Variants in NKAIN2 observed in about 807,000 individuals in gnomAD.
The protein encoded by NKAIN2 is sodium/potassium transporting ATPase interacting 2, also known as sodium/potassium-transporting ATPase subunit beta-1-interacting protein 2.
NKAIN2 carries 14 observed loss-of-function variants against 32.6 expected under a neutral mutation model. The ratio of observed to expected loss-of-function variants is 0.43; its 90% CI spans 0.28 to 0.67. The LOEUF (loss-of-function observed/expected upper bound fraction) is 0.67, where lower values mean the gene tolerates loss of function less well. NKAIN2 is among the 30% of genes least tolerant of loss of function. The pLI is 0.17. For synonymous variants in NKAIN2, 80 were observed against 87.2 expected, an observed-to-expected ratio of 0.92 and a Z score of 0.46; for missense variants, 198 against 258.3, an observed-to-expected ratio of 0.77 and a Z score of 1.60.
At chr6:124,395,793 G>T (rs1385075718) in intron 3 of NKAIN2, among the ~76,000 whole-genome samples, 2 of 152,004 alleles carry the variant, frequency 1.3e-5, no homozygotes, top group Non-Finnish European at 2.9e-5. Context: ...ATAAATAGTT[G>T]CTGAAATTGC....
chr6:124,669,654 C>T (rs181045376), intron 4 of NKAIN2, among the ~76,000 whole-genome samples: 2 of 152,204 alleles, frequency 1.3e-5, no homozygotes, highest in Non-Finnish European at 2.9e-5. Flanking sequence ...TCAGTAAATA[C>T]ATATTACTAT....
intron 2 of NKAIN2, among the ~76,000 whole-genome samples, chr6:124,352,476 T>G (rs2115133758): frequency 6.6e-6 from 1 of 152,292 alleles, no homozygotes; most frequent in African/African-American, 2.4e-5. Flanking sequence ...GTTATGAAAT[T>G]AAAAAGCTTC....
chr6:124,647,510 A>AAAAAG (rs1399254215), intron 3 of NKAIN2, among the ~76,000 whole-genome samples: 4 of 150,818 alleles, frequency 2.7e-5, no homozygotes, highest in African/African-American at 9.7e-5. Context: ...AAAAAAAAAA[A>AAAAAG]AAAAAAAAAA....
intron 1 of NKAIN2, among the ~76,000 whole-genome samples, chr6:124,193,692 G>A (rs73562477): frequency 0.012 from 1,819 of 152,174 alleles, 40 homozygotes; most frequent in African/African-American, 0.041. Context: ...TCTGTGACCA[G>A]GAAGAACGAG....
intron 1 of NKAIN2, among the ~76,000 whole-genome samples, chr6:124,041,003 C>T (rs1256459040): frequency 3.3e-5 from 5 of 151,904 alleles, no homozygotes; most frequent in African/African-American, 1.2e-4. Context: ...GGACTCATTC[C>T]CAGTTTGCTA....
At chr6:124,750,110 G>A (rs1352553589) in intron 4 of NKAIN2, among the ~76,000 whole-genome samples, 1 of 151,810 alleles carries the variant, frequency 6.6e-6, no homozygotes, top group East Asian at 1.9e-4. Context: ...GGTGCAAAAT[G>A]GGATTATTAA....
chr6:124,342,615 T>A (rs1422055267), intron 2 of NKAIN2, among the ~76,000 whole-genome samples: 1 of 151,606 alleles, frequency 6.6e-6, no homozygotes, highest in Admixed American at 6.6e-5. Context: ...TCAAGAGATC[T>A]TCCCACCTCA....
intron 3 of NKAIN2, among the ~76,000 whole-genome samples, chr6:124,547,838 C>G (rs1049929279): frequency 2.0e-5 from 3 of 152,084 alleles, no homozygotes; most frequent in African/African-American, 7.2e-5. Flanking sequence ...TGCCACCAGT[C>G]CAATTCTAAC....
chr6:123,955,398 C>T (rs1272982724), intron 1 of NKAIN2, among the ~76,000 whole-genome samples: 2 of 151,696 alleles, frequency 1.3e-5, no homozygotes, highest in African/African-American at 2.4e-5. Context: ...TATATAGTCA[C>T]TCTAATCTTT....
At chr6:124,519,259 G>A (rs1490951705) in intron 3 of NKAIN2, among the ~76,000 whole-genome samples, 3 of 152,200 alleles carry the variant, frequency 2.0e-5, no homozygotes, top group Non-Finnish European at 1.5e-5. Flanking sequence ...ACCAAAAGAA[G>A]TGTAAGAGTT....
At chr6:124,133,903 G>C (rs569415795) in intron 1 of NKAIN2, among the ~76,000 whole-genome samples, 74 of 152,096 alleles carry the variant, frequency 4.9e-4, no homozygotes, top group Non-Finnish European at 8.7e-4. Context: ...TTCAAGAACA[G>C]TTTGAAGAAA....
chr6:123,959,808 C>T (rs972551932), intron 1 of NKAIN2, among the ~76,000 whole-genome samples: 1 of 150,012 alleles, frequency 6.7e-6, no homozygotes, highest in Non-Finnish European at 1.5e-5. Flanking sequence ...TATATGAGGG[C>T]TGTATATGGG....
chr6:124,058,179 G>A (rs1312442050), intron 1 of NKAIN2, among the ~76,000 whole-genome samples: 1 of 140,746 alleles, frequency 7.1e-6, no homozygotes, highest in African/African-American at 2.6e-5. Flanking sequence ...TGAAAGCATT[G>A]TTTATTATGT....
intron 3 of NKAIN2, among the ~76,000 whole-genome samples, chr6:124,573,980 A>G (rs1583460754): frequency 6.6e-6 from 1 of 152,224 alleles, no homozygotes; most frequent in East Asian, 1.9e-4. Context: ...CAAAAGGTAG[A>G]TATAACCAGA....
chr6:124,636,862 G>A lies in NKAIN2; in HGVS notation c.274-21324G>A, dbSNP rs563099488. Among the ~76,000 whole-genome samples, 63 of 152,078 alleles carry A rather than the reference G, an allele frequency of 4.1e-4. 1 individual carries two copies. In the South Asian group the frequency reaches 9.7e-3, roughly 24 times the overall value. ...AAACTATTTCACAAAAACTGAAAAG[G>A]AAGGAATTCTTTCTAGCTAATTATA... On this transcript the variant is annotated intron_variant, in intron 3 of 6. Transcript: ENST00000368417.
At chr6:124,605,225 G>T (rs1440598202) in intron 3 of NKAIN2, among the ~76,000 whole-genome samples, 3 of 152,060 alleles carry the variant, frequency 2.0e-5, no homozygotes, top group African/African-American at 7.2e-5. Flanking sequence ...TGTACTGGTT[G>T]TTGTTACTTT....
chr6:124,232,534 A>T (rs1792515120), intron 1 of NKAIN2, among the ~76,000 whole-genome samples: 1 of 152,212 alleles, frequency 6.6e-6, no homozygotes, highest in Non-Finnish European at 1.5e-5. Flanking sequence ...AAGTGAGTAG[A>T]TCCTTAGAGA....
chr6:124,815,404 G>A (rs1781117147), intron 5 of NKAIN2, among the ~76,000 whole-genome samples: 1 of 151,654 alleles, frequency 6.6e-6, no homozygotes, highest in Non-Finnish European at 1.5e-5. Context: ...CGAGTAGCTG[G>A]GATTACAGAC....
chr6:123,959,075 C>G (rs1321443292), intron 1 of NKAIN2, among the ~76,000 whole-genome samples: 1 of 152,052 alleles, frequency 6.6e-6, no homozygotes, highest in African/African-American at 2.4e-5. Context: ...GAGAAGATGA[C>G]AGAGGAAAGA....
Sources: gnomAD v4.1 joint callset for allele counts (sites outside exome capture counted in the v4.1 genomes callset) on GRCh38, gnomAD v4.1.1 for gene constraint, MANE v1.5 for transcripts, NCBI Gene and HGNC (gene_info 2026-07-23, HGNC 2026-07-21) for gene names.